ARHGAP6: variants seen among roughly 807,000 people sequenced by gnomAD.
The protein encoded by ARHGAP6 is Rho GTPase activating protein 6.
In ARHGAP6, 16 loss-of-function variants were observed where a neutral mutation model predicts 55.7. The ratio of observed to expected loss-of-function variants is 0.29; its 90% CI spans 0.19 to 0.44. ARHGAP6 has a LOEUF of 0.44. ARHGAP6 is among the 20% of genes least tolerant of loss of function. The pLI is 1.00. For missense variants in ARHGAP6, 698 were observed against 808.9 expected (o/e 0.86, Z 1.66); for synonymous variants, 382 against 360.9 (o/e 1.06, Z -0.66).
intron 1 of ARHGAP6, among the ~76,000 whole-genome samples, chrX:11,451,097 G>A (rs1331230531): frequency 9.0e-6 from 1 of 111,536 alleles, no homozygotes; most frequent in Non-Finnish European, 1.9e-5. Context: ...CATTGGAAGT[G>A]TTCATAAAGC....
rs1274728507 is a variant in ARHGAP6, at chrX:11,254,512, C to T, written c.748+36G>A. ...TTTGGCAGAGCCAATATTTGACTTG[C>T]AGTGTTCCCCGGCAGAAAGGCAGAA... On this transcript the variant is annotated intron_variant, in intron 2 of 12. Coordinates refer to ENST00000337414, the MANE Select transcript of ARHGAP6 (RefSeq NM_013427.3). The T allele has an allele frequency of 4.2e-6, 5 of 1,192,397 alleles. No homozygotes were observed. In the African/African-American group the frequency reaches 8.9e-5, roughly 21 times the overall value.
intron 1 of ARHGAP6, among the ~76,000 whole-genome samples, chrX:11,360,667 C>G (rs1178752568): frequency 9.2e-6 from 1 of 108,268 alleles, no homozygotes; most frequent in African/African-American, 3.4e-5. Flanking sequence ...GGCAATTAGG[C>G]AGGAGAAGGA....
At chrX:11,236,281 C>G (rs999198695) in intron 2 of ARHGAP6, among the ~76,000 whole-genome samples, 1 of 111,546 alleles carries the variant, frequency 9.0e-6, no homozygotes, top group Non-Finnish European at 1.9e-5. Context: ...CTTATAAAAC[C>G]ATCAGCTCGT....
chrX:11,181,828 G>T (rs1191310723), intron 6 of ARHGAP6, among the ~76,000 whole-genome samples: 4 of 110,936 alleles, frequency 3.6e-5, no homozygotes, highest in Non-Finnish European at 7.5e-5. Flanking sequence ...TTGTTTGGCT[G>T]CACGTGGCAC....
intron 1 of ARHGAP6, among the ~76,000 whole-genome samples, chrX:11,379,781 A>G (rs1264702391): frequency 3.6e-5 from 4 of 110,582 alleles, no homozygotes; most frequent in African/African-American, 1.3e-4. Context: ...CTCTGGCCAG[A>G]GTTGATTAAG....
intron 1 of ARHGAP6, among the ~76,000 whole-genome samples, chrX:11,426,356 A>C (rs1251810097): frequency 1.9e-5 from 2 of 104,995 alleles, no homozygotes; most frequent in Non-Finnish European, 3.9e-5. Context: ...CTTCAAAAAA[A>C]CAATTTTTTT....
chrX:11,153,546 AAAAG>A (rs1381505974), intron 10 of ARHGAP6, among the ~76,000 whole-genome samples: 22 of 106,579 alleles, frequency 2.1e-4, no homozygotes, highest in African/African-American at 7.2e-4. Context: ...AAAAAAAAAA[AAAAG>A]GCAACTACAG....
At chrX:11,297,226 T>G (rs952898658) in intron 1 of ARHGAP6, among the ~76,000 whole-genome samples, 9 of 112,062 alleles carry the variant, frequency 8.0e-5, no homozygotes, top group Non-Finnish European at 1.5e-4. Context: ...ATAGTCACAC[T>G]CTATGTGTGT....
intron 1 of ARHGAP6, among the ~76,000 whole-genome samples, chrX:11,322,615 C>T (rs1005022440): frequency 1.8e-4 from 20 of 112,121 alleles, no homozygotes; most frequent in African/African-American, 4.2e-4. Flanking sequence ...CTGCCTTGGC[C>T]TTCCAAGATA....
chrX:11,487,214 G>T (rs1283494714), intron 1 of ARHGAP6, among the ~76,000 whole-genome samples: 1 of 112,103 alleles, frequency 8.9e-6, no homozygotes, highest in African/African-American at 3.2e-5. Context: ...TACATAGATT[G>T]CCCTGGATCT....
chrX:11,366,255 T>C (rs1231559365), intron 1 of ARHGAP6, among the ~76,000 whole-genome samples: 1 of 112,164 alleles, frequency 8.9e-6, no homozygotes, highest in Non-Finnish European at 1.9e-5. Context: ...GGCAGTTATA[T>C]AGTACTCATT....
chrX:11,510,990 G>A (rs750033695), intron 1 of ARHGAP6, among the ~76,000 whole-genome samples: 1 of 111,639 alleles, frequency 9.0e-6, no homozygotes, highest in African/African-American at 3.3e-5. Context: ...TTACTACCTA[G>A]CTCTTTCCAA....
chrX:11,574,987 A>G (rs1023153323), intron 1 of ARHGAP6, among the ~76,000 whole-genome samples: 1 of 112,117 alleles, frequency 8.9e-6, no homozygotes, highest in Non-Finnish European at 1.9e-5. Context: ...CCTGCATAGC[A>G]ACATTTTGAA....
intron 1 of ARHGAP6, among the ~76,000 whole-genome samples, chrX:11,440,271 T>C (rs1405630655): frequency 8.9e-6 from 1 of 112,432 alleles, no homozygotes; most frequent in African/African-American, 3.2e-5. Context: ...CGTCATACTA[T>C]ATAGATAAAT....
In ARHGAP6 at chrX:11,137,705, T is replaced by TA. The variant is rs1439311839; in HGVS notation, c.*1157dup. 1 of 111,280 alleles carries TA rather than the reference T, an allele frequency of 9.0e-6. No homozygotes were observed. The highest frequency in any genetic ancestry group is 3.3e-5 in the African/African-American group (1 of 30,453). 9.2% of individuals were successfully genotyped at this position (111,280 alleles called of 1,213,427 possible). ...CCTTCAGAAGTGAAAAAAAATTGCATAAAATACTGAAGCGTATCGCCATCT... is the reference window on the plus strand; with the variant it reads ...CCTTCAGAAGTGAAAAAAAATTGCATAAAAATACTGAAGCGTATCGCCATCT... On this transcript the variant is annotated 3_prime_UTR_variant, in exon 13 of 13. Coordinates refer to ENST00000337414, the MANE Select transcript of ARHGAP6 (RefSeq NM_013427.3).
intron 1 of ARHGAP6, among the ~76,000 whole-genome samples, chrX:11,332,582 T>A (rs779949442): frequency 2.9e-4 from 32 of 111,986 alleles, no homozygotes; most frequent in African/African-American, 1.0e-3. Context: ...TGTTGATGAA[T>A]GCATTTTAGA....
At chrX:11,610,866 C>A (rs1243869434) in intron 1 of ARHGAP6, among the ~76,000 whole-genome samples, 1 of 112,141 alleles carries the variant, frequency 8.9e-6, no homozygotes, top group Admixed American at 9.4e-5. Context: ...TACTAACCTA[C>A]TTTCTGTCTT....
Position 11,410,464 on chromosome X carries a change from A to C in ARHGAP6, c.589-155757T>G, listed in dbSNP as rs572326387. Among the ~76,000 whole-genome samples the C allele has an allele frequency of 1.1e-3, 123 of 112,336 alleles. 1 individual carries two copies. Among genetic ancestry groups the C allele is most frequent in the Middle Eastern group, 4.6e-3 (1 of 216 alleles). ...GCAAATTAATGGTTGTCAGGGGCTC[A>C]GAGTAGCATTGGTGGAGGAGATAAA... On this transcript the variant is annotated intron_variant, in intron 1 of 12. Coordinates refer to ENST00000337414, the MANE Select transcript of ARHGAP6 (RefSeq NM_013427.3).
At position 11,139,577 on chromosome X, in the gene ARHGAP6, T is replaced by C. The variant is rs752173683; in HGVS notation, c.2258-47A>G. On this transcript the variant is annotated intron_variant, in intron 12 of 12. Transcript: ENST00000337414. ...CAAGAAATGGAATCAGTTTGTAGAA[T>C]CCTTGCTGGGGATTCAAATCCTGTT... 1.3e-5 allele frequency: 14 copies of C among 1,097,479 alleles called. No individual in the cohort carries two copies. In the Admixed American group the frequency reaches 4.7e-4, roughly 37 times the overall value. 90.4% of individuals were successfully genotyped at this position (1,097,479 alleles called of 1,213,427 possible).
Sources: gnomAD v4.1 joint callset for allele counts (sites outside exome capture counted in the v4.1 genomes callset) on GRCh38, gnomAD v4.1.1 for gene constraint, MANE v1.5 for transcripts, NCBI Gene and HGNC (gene_info 2026-07-23, HGNC 2026-07-21) for gene names.